LRRC63: variants seen among roughly 807,000 people sequenced by gnomAD.
The protein encoded by LRRC63 is leucine-rich repeat-containing protein 63.
In LRRC63, 40 loss-of-function variants were observed where a neutral mutation model predicts 49.5. The observed-to-expected ratio is 0.81, with a 90% CI of 0.63 to 1.05. LRRC63 has a LOEUF of 1.05. Ranked by LOEUF, LRRC63 falls within the 50% of genes least tolerant of loss-of-function variation. LRRC63 has a pLI of 0.00. For missense variants in LRRC63, 636 were observed against 663.1 expected, an observed-to-expected ratio of 0.96 and a Z score of 0.45; for synonymous variants, 191 against 221.1, an observed-to-expected ratio of 0.86 and a Z score of 1.21.
intron 7 of LRRC63, among the ~76,000 whole-genome samples, chr13:46,257,779 T>A (rs970999461): frequency 6.6e-6 from 1 of 152,230 alleles, no homozygotes; most frequent in African/African-American, 2.4e-5. Context: ...AAGATACATA[T>A]TTTTTCTAGA....
chr13:46,276,384 T>C (rs2047837082), intron 9 of LRRC63, among the ~76,000 whole-genome samples: 1 of 152,162 alleles, frequency 6.6e-6, no homozygotes, highest in East Asian at 1.9e-4. Context: ...CTTTCTGTTT[T>C]AAAAAGCTAG....
At chr13:46,256,094 T>A (rs1273233175) in intron 7 of LRRC63, among the ~76,000 whole-genome samples, 1 of 152,158 alleles carries the variant, frequency 6.6e-6, no homozygotes, top group African/African-American at 2.4e-5. Flanking sequence ...TTCAGCAAAG[T>A]CAAAAATAGA....
At chr13:46,269,693 T>A (rs73188841) in intron 9 of LRRC63, among the ~76,000 whole-genome samples, 34,409 of 150,982 alleles carry the variant, frequency 0.23, 4,643 homozygotes, top group East Asian at 0.35. Flanking sequence ...TTGACAAAAG[T>A]GTAATATTTA....
At chr13:46,229,419 A>G (rs2046678827) in intron 4 of LRRC63, among the ~76,000 whole-genome samples, 1 of 152,222 alleles carries the variant, frequency 6.6e-6, no homozygotes, top group African/African-American at 2.4e-5. Flanking sequence ...ACCAATGTGG[A>G]CATTACAATT....
exon 7 of LRRC63, chr13:46,250,482 T>C: frequency 6.5e-7 from 1 of 1,533,234 alleles, no homozygotes; most frequent in Non-Finnish European, 8.8e-7. Flanking sequence ...ATTACTGTTC[T>C]TCCAATTGGG....
intron 7 of LRRC63, among the ~76,000 whole-genome samples, chr13:46,253,012 G>A (rs987344343): frequency 1.3e-5 from 2 of 152,030 alleles, no homozygotes; most frequent in African/African-American, 4.8e-5. Context: ...GCAGTGTGGA[G>A]GATGGATGTG....
At chr13:46,212,799 C>G (rs1337482003) in intron 1 of LRRC63, among the ~76,000 whole-genome samples, 13 of 151,956 alleles carry the variant, frequency 8.6e-5, no homozygotes. Flanking sequence ...ACTTATAACC[C>G]TACATTTTAA....
intron 2 of LRRC63, among the ~76,000 whole-genome samples, chr13:46,224,645 T>C (rs2046514679): frequency 6.6e-6 from 1 of 152,218 alleles, no homozygotes; most frequent in South Asian, 2.1e-4. Context: ...ATTTTGATGT[T>C]TTCTGTGTCT....
intron 6 of LRRC63, chr13:46,250,091 G>A: frequency 4.8e-6 from 1 of 209,174 alleles, no homozygotes; most frequent in South Asian, 1.6e-4. Flanking sequence ...ATCAGAAAGG[G>A]TAACTTTCAC....
At chr13:46,232,057 C>G (rs9595434) in intron 4 of LRRC63, among the ~76,000 whole-genome samples, 1 of 147,248 alleles carries the variant, frequency 6.8e-6, no homozygotes, top group Non-Finnish European at 1.5e-5. Flanking sequence ...CCTCGTGATC[C>G]GCCGGCCTCG....
At chr13:46,254,291 A>G (rs1023152181) in intron 7 of LRRC63, among the ~76,000 whole-genome samples, 9 of 152,112 alleles carry the variant, frequency 5.9e-5, no homozygotes, top group African/African-American at 2.2e-4. Flanking sequence ...TCTTAGAAAC[A>G]TTTTTATTGT....
chr13:46,250,607 T>A, intron 7 of LRRC63, 116 bp downstream of exon 7: 2 of 833,802 alleles, frequency 2.4e-6, no homozygotes, highest in Non-Finnish European at 3.7e-6. Flanking sequence ...ATTTGTATTC[T>A]ATTCTAATTA....
intron 2 of LRRC63, among the ~76,000 whole-genome samples, chr13:46,220,055 T>C (rs1218974689): frequency 1.3e-5 from 2 of 152,008 alleles, no homozygotes; most frequent in Non-Finnish European, 2.9e-5. Flanking sequence ...TGCTGGGAGG[T>C]GTCTCCCAGT....
At position 46,213,001 on chromosome 13, in the gene LRRC63, G is replaced by A. The variant is rs1214049505; in HGVS notation, c.-33-1G>A. The A allele has an allele frequency of 1.5e-6, 2 of 1,377,148 alleles. No individual in the cohort carries two copies. Among genetic ancestry groups the A allele is most frequent in the Admixed American group, 2.2e-5 (1 of 45,672 alleles). The allele number at this position is 1,377,148 out of a possible 1,614,324, so 85.3% of individuals were successfully genotyped here. On this transcript the variant is annotated splice_acceptor_variant, in intron 1 of 9. Transcript: ENST00000595396. LOFTEE classifies it low-confidence loss of function (5UTR_SPLICE). ...CCTTTTCAATTCTCATTTAAACCAAGGATTATGAAAAACAGCACTTATTAT... is the reference window on the plus strand; with the variant it reads ...CCTTTTCAATTCTCATTTAAACCAAAGATTATGAAAAACAGCACTTATTAT...
At chr13:46,234,884 A>T (rs1339051554) in intron 5 of LRRC63, among the ~76,000 whole-genome samples, 1 of 152,184 alleles carries the variant, frequency 6.6e-6, no homozygotes, top group Non-Finnish European at 1.5e-5. Flanking sequence ...TTGAACCCAG[A>T]ACTTTCTGGC....
intron 9 of LRRC63, chr13:46,270,405 C>T (rs186286917): frequency 2.4e-6 from 2 of 817,684 alleles, no homozygotes; most frequent in Non-Finnish European, 4.4e-6. Context: ...GAAGAATATA[C>T]TGTATCTAGT....
In LRRC63 at chr13:46,258,651, T is replaced by C. The variant is rs193200856; in HGVS notation, c.1227-3258T>C. On this transcript the variant is annotated intron_variant, in intron 7 of 9. Coordinates refer to ENST00000595396, the Ensembl canonical transcript of LRRC63. ...GGTGAAACCCCATCTCTACTAAAAATACAAAAATTAGCTGGGCATGGTGGC... is the reference window on the plus strand; with the variant it reads ...GGTGAAACCCCATCTCTACTAAAAACACAAAAATTAGCTGGGCATGGTGGC... 6.2e-3 allele frequency among the ~76,000 whole-genome samples: 925 copies of C among 149,892 alleles called. 9 individuals are homozygous for C. The highest frequency in any genetic ancestry group is 0.021 in the African/African-American group (865 of 40,978).
At chr13:46,228,631 C>A in intron 3 of LRRC63, 34 bp from the exon 4 acceptor site, 3 of 1,275,658 alleles carry the variant, frequency 2.4e-6, no homozygotes, top group Non-Finnish European at 3.3e-6. Context: ...TTACAAATAT[C>A]CAAAGTCATC....
chr13:46,261,691 G>T (rs2047617321), intron 7 of LRRC63, among the ~76,000 whole-genome samples: 1 of 152,118 alleles, frequency 6.6e-6, no homozygotes, highest in Non-Finnish European at 1.5e-5. Flanking sequence ...ATAGGGCTTT[G>T]TCCACTCCAA....
Sources: gnomAD v4.1 joint callset for allele counts (sites outside exome capture counted in the v4.1 genomes callset) on GRCh38, gnomAD v4.1.1 for gene constraint, MANE v1.5 for transcripts, NCBI Gene and HGNC (gene_info 2026-07-23, HGNC 2026-07-21) for gene names.